Variants in CEP63 observed in about 807,000 individuals in gnomAD.
CEP63 encodes the protein centrosomal protein 63.
CEP63 carries 84 observed loss-of-function variants against 89.1 expected under a neutral mutation model. The ratio of observed to expected loss-of-function variants is 0.94; its 90% CI spans 0.79 to 1.13. CEP63 has a LOEUF of 1.13. Ranked by LOEUF, CEP63 falls within the 50% of genes most tolerant of loss-of-function variation. The probability of loss-of-function intolerance (pLI) is 0.00; values close to 1 mark genes in which losing one functional copy is unlikely to be tolerated. For missense variants in CEP63, 838 were observed against 813.3 expected (o/e 1.03, Z -0.37); for synonymous variants, 267 against 272.5 (o/e 0.98, Z 0.20).
intron 6 of CEP63, 38 bp downstream of exon 6, chr3:134,537,306 A>G: frequency 1.5e-6 from 2 of 1,372,210 alleles, no homozygotes; most frequent in East Asian, 2.3e-5. Context: ...AGAAGCAGAT[A>G]GGTTTTGATC....
At chr3:134,554,977 G>C (rs894341413) in intron 12 of CEP63, among the ~76,000 whole-genome samples, 2 of 152,044 alleles carry the variant, frequency 1.3e-5, no homozygotes, top group African/African-American at 4.8e-5. Flanking sequence ...GTAGATTCTG[G>C]ATATTAGCCC....
At chr3:134,613,780 T>C in the CEP63 span, among the ~76,000 whole-genome samples, 1 of 152,360 alleles carries the variant, frequency 6.6e-6, no homozygotes, top group Admixed American at 6.5e-5. Flanking sequence ...AAAGCATTAT[T>C]GTTAATATGC....
chr3:134,672,167 A>G, the CEP63 span, among the ~76,000 whole-genome samples: 1 of 152,200 alleles, frequency 6.6e-6, no homozygotes. Flanking sequence ...AATTCATACT[A>G]TCACCCAGTC....
intron 12 of CEP63, among the ~76,000 whole-genome samples, chr3:134,556,636 A>C (rs1360532158): frequency 6.6e-6 from 1 of 152,184 alleles, no homozygotes; most frequent in Non-Finnish European, 1.5e-5. Flanking sequence ...TTATCTGTTC[A>C]TATTTAAGAA....
downstream of CEP63, among the ~76,000 whole-genome samples, chr3:134,578,349 A>C (rs868020479): frequency 1.4e-4 from 1 of 7,204 alleles, no homozygotes; most frequent in East Asian, 2.6e-3. Flanking sequence ...TTTTTTTTTG[A>C]GATGGAGTCT....
chr3:134,506,744 AC>A (rs1341792388), intron 2 of CEP63, among the ~76,000 whole-genome samples: 20 of 151,898 alleles, frequency 1.3e-4, no homozygotes, highest in African/African-American at 4.8e-4. Flanking sequence ...ACATGGCAAA[AC>A]CCCATCTCTA....
chr3:134,745,209 G>T, the CEP63 span, among the ~76,000 whole-genome samples: 1 of 152,152 alleles, frequency 6.6e-6, no homozygotes, highest in Non-Finnish European at 1.5e-5. Flanking sequence ...GCCTCTCAGG[G>T]ATAACAATTC....
chr3:134,608,950 T>C, the CEP63 span: 1 of 1,265,920 alleles, frequency 7.9e-7, no homozygotes, highest in Non-Finnish European at 1.1e-6. Context: ...AGGCACCATC[T>C]CCGACCCTAA....
At chr3:134,748,028 C>T in the CEP63 span, among the ~76,000 whole-genome samples, 40 of 152,282 alleles carry the variant, frequency 2.6e-4, no homozygotes, top group African/African-American at 8.9e-4. Flanking sequence ...TTGTGATCCT[C>T]CCACCTCGGC....
chr3:134,662,593 G>A, the CEP63 span, among the ~76,000 whole-genome samples: 2 of 152,216 alleles, frequency 1.3e-5, no homozygotes, highest in African/African-American at 4.8e-5. Context: ...TTTTAGAGAT[G>A]AGGAACTGGG....
At chr3:134,701,588 G>C in the CEP63 span, among the ~76,000 whole-genome samples, 29 of 151,496 alleles carry the variant, frequency 1.9e-4, no homozygotes, top group Middle Eastern at 3.2e-3. Flanking sequence ...AGAATAATAA[G>C]AGCCATATAT....
At chr3:134,699,603 T>C in the CEP63 span, among the ~76,000 whole-genome samples, 1 of 152,254 alleles carries the variant, frequency 6.6e-6, no homozygotes, top group African/African-American at 2.4e-5. Context: ...TACACTCTGA[T>C]GGCTGCTCCT....
At chr3:134,654,142 G>A in the CEP63 span, among the ~76,000 whole-genome samples, 137 of 152,274 alleles carry the variant, frequency 9.0e-4, 1 homozygote, top group African/African-American at 3.1e-3. Flanking sequence ...CCCTGCATCC[G>A]ATACTCCTCT....
At chr3:134,693,038 A>G in the CEP63 span, among the ~76,000 whole-genome samples, 1 of 152,140 alleles carries the variant, frequency 6.6e-6, no homozygotes, top group Admixed American at 6.6e-5. Context: ...TGCCCACCCC[A>G]TATCTTTTCT....
chr3:134,665,319 C>G, the CEP63 span, among the ~76,000 whole-genome samples: 1 of 152,184 alleles, frequency 6.6e-6, no homozygotes, highest in Non-Finnish European at 1.5e-5. Flanking sequence ...ATGCAAGGCT[C>G]CTCCCACCCC....
Position 134,546,266 on chromosome 3 carries a change from C to T in CEP63, c.907C>T (p.Gln303Ter). The change falls in exon 8 of 15, where the codon CAA (glutamine) becomes TAA (stop). Residue 303 changes from glutamine (Q) to a stop codon, truncating the protein, a stop_gained. Coordinates refer to ENST00000675561, the MANE Select transcript of CEP63 (RefSeq NM_001353108.3). LOFTEE classifies it high-confidence loss of function. ...LQEKVKATNTQHAVEAIRPRE... is the reference protein window; with the variant it reads ...LQEKVKATNT Reference sequence around the variant, plus strand: ...AGAAAAAGTAAAGGCAACTAACACTCAACATGCTGTAGAAGCTATAAGGTA... The same window carrying T: ...AGAAAAAGTAAAGGCAACTAACACTTAACATGCTGTAGAAGCTATAAGGTA... 6.2e-7 allele frequency: 1 copy of T among 1,613,544 alleles called. No homozygotes were observed. Among genetic ancestry groups the T allele is most frequent in the Non-Finnish European group, 8.5e-7 (1 of 1,179,558 alleles).
chr3:134,603,564 A>G, the CEP63 span: 2 of 1,556,594 alleles, frequency 1.3e-6, no homozygotes, highest in Admixed American at 3.6e-5. Flanking sequence ...GGAGGGTAAG[A>G]CCGGGGCACA....
chr3:134,549,440 G>T (rs766588773), intron 10 of CEP63, among the ~76,000 whole-genome samples: 24 of 152,070 alleles, frequency 1.6e-4, no homozygotes, highest in African/African-American at 5.8e-4. Context: ...AACATGTTTT[G>T]ATGAAAAGTT....
At chr3:134,651,297 A>T in the CEP63 span, 3 of 1,186,616 alleles carry the variant, frequency 2.5e-6, no homozygotes, top group Non-Finnish European at 2.1e-6. Flanking sequence ...CGCCCGGTGC[A>T]CTTGAAGCGC....
Sources: allele counts gnomAD v4.1 joint callset (sites outside exome capture counted in the v4.1 genomes callset), GRCh38; gene constraint gnomAD v4.1.1; transcripts MANE v1.5; gene names NCBI Gene and HGNC (gene_info 2026-07-23, HGNC 2026-07-21).